Variants in PRKN observed in about 807,000 individuals in gnomAD.
PRKN encodes the protein parkin RBR E3 ubiquitin protein ligase.
In PRKN, 56 loss-of-function variants were observed where a neutral mutation model predicts 59.5. That is an observed-to-expected ratio of 0.94 (90% confidence interval 0.76 to 1.18). PRKN has a LOEUF of 1.18. Ranked by LOEUF, PRKN falls within the 50% of genes most tolerant of loss-of-function variation. The probability of loss-of-function intolerance (pLI) is 0.00; values close to 1 mark genes in which losing one functional copy is unlikely to be tolerated. For missense variants in PRKN, 657 were observed against 596.4 expected, an observed-to-expected ratio of 1.10 and a Z score of -1.06; for synonymous variants, 250 against 222.1, an observed-to-expected ratio of 1.13 and a Z score of -1.12.
intron 7 of PRKN, among the ~76,000 whole-genome samples, chr6:161,698,615 G>A (rs1786122337): frequency 6.6e-6 from 1 of 150,670 alleles, no homozygotes; most frequent in Admixed American, 6.6e-5. Flanking sequence ...GGTACAAACA[G>A]AATAGATCAA....
At chr6:161,761,792 C>A (rs1449008187) in intron 7 of PRKN, among the ~76,000 whole-genome samples, 1 of 152,164 alleles carries the variant, frequency 6.6e-6, no homozygotes, top group Non-Finnish European at 1.5e-5. Flanking sequence ...AGGAGGTTGG[C>A]ACTGGGAAAA....
chr6:161,878,572 G>T (rs1313623072), intron 6 of PRKN, among the ~76,000 whole-genome samples: 2 of 152,124 alleles, frequency 1.3e-5, no homozygotes, highest in African/African-American at 4.8e-5. Flanking sequence ...TAATTTGCAG[G>T]GGCCATTACG....
At chr6:162,165,429 T>G (rs1782933630) in intron 4 of PRKN, among the ~76,000 whole-genome samples, 1 of 149,456 alleles carries the variant, frequency 6.7e-6, no homozygotes, top group South Asian at 2.1e-4. Flanking sequence ...TACTGATATG[T>G]AATAAATAGA....
chr6:161,999,691 T>C (rs1781977601), intron 5 of PRKN, among the ~76,000 whole-genome samples: 1 of 152,148 alleles, frequency 6.6e-6, no homozygotes, highest in Middle Eastern at 3.4e-3. Flanking sequence ...AATGATGAAA[T>C]GGAACTACTT....
rs541431067 is a variant in PRKN, at chr6:162,660,375, C to G, written c.7+67287G>C. On this transcript the variant is annotated intron_variant, in intron 1 of 11. Coordinates refer to ENST00000366898, the MANE Select transcript of PRKN (RefSeq NM_004562.3). ...CTCACCTTTCCTTATGCAGTGTTCT[C>G]TAGTTCTGCCCACTAAATCTGTTTC... 5.9e-5 allele frequency among the ~76,000 whole-genome samples: 9 copies of G among 152,300 alleles called. No homozygotes were observed. The South Asian group carries it at 1.7e-3, about 28-fold the overall frequency.
chr6:161,711,348 T>C (rs1182920542), intron 7 of PRKN, among the ~76,000 whole-genome samples: 2 of 152,214 alleles, frequency 1.3e-5, no homozygotes, highest in Non-Finnish European at 2.9e-5. Context: ...GATGCATGTA[T>C]ACATTATACA....
intron 7 of PRKN, among the ~76,000 whole-genome samples, chr6:161,757,816 C>A: frequency 1.2e-5 from 1 of 85,162 alleles, no homozygotes; most frequent in Non-Finnish European, 2.5e-5. Flanking sequence ...CCAGCCTGGG[C>A]AATAGAGCAA....
intron 4 of PRKN, among the ~76,000 whole-genome samples, chr6:162,150,671 A>G (rs900200459): frequency 1.3e-4 from 20 of 152,204 alleles, no homozygotes; most frequent in African/African-American, 4.6e-4. Context: ...ATGTAAAGGA[A>G]GAGCAAAACG....
Position 161,385,704 on chromosome 6 carries a change from A to T in PRKN, c.1167+1090T>A, listed in dbSNP as rs1786210281. 6.6e-6 allele frequency among the ~76,000 whole-genome samples: 1 copy of T among 152,194 alleles called. No homozygotes were observed. The highest frequency in any genetic ancestry group is 1.5e-5 in the Non-Finnish European group (1 of 68,032). On this transcript the variant is annotated intron_variant, in intron 10 of 11. Coordinates refer to ENST00000366898, the MANE Select transcript of PRKN (RefSeq NM_004562.3). The surrounding 1 kb of genome is among the most constrained non-coding windows in gnomAD (Gnocchi z 4.9). ...AGCCTCAGGTATACCCGCCTCCATT[A>T]CAGCGGTCCTGAGGCAGGGGTCTCT...
intron 7 of PRKN, among the ~76,000 whole-genome samples, chr6:161,735,616 T>G (rs1233849050): frequency 6.6e-6 from 1 of 152,010 alleles, no homozygotes; most frequent in Non-Finnish European, 1.5e-5. Flanking sequence ...CAACTGTATT[T>G]TTAAAAGTGA....
chr6:162,483,334 G>A (rs1316893994), intron 1 of PRKN, among the ~76,000 whole-genome samples: 1 of 152,166 alleles, frequency 6.6e-6, no homozygotes, highest in African/African-American at 2.4e-5. Context: ...CTTATGTGTG[G>A]TGGAGGTAAA....
chr6:161,657,473 G>A (rs1432983003), intron 7 of PRKN, among the ~76,000 whole-genome samples: 14 of 152,116 alleles, frequency 9.2e-5, no homozygotes, highest in Non-Finnish European at 1.8e-4. Flanking sequence ...CTCTCCACCC[G>A]CACCCACAGG....
intron 2 of PRKN, among the ~76,000 whole-genome samples, chr6:162,326,348 A>C (rs558273317): frequency 1.3e-5 from 2 of 152,274 alleles, no homozygotes; most frequent in South Asian, 4.1e-4. Flanking sequence ...TGATACATTT[A>C]CCCACAGGCT....
intron 2 of PRKN, among the ~76,000 whole-genome samples, chr6:162,376,707 G>C (rs893083715): frequency 1.4e-5 from 2 of 146,434 alleles, no homozygotes; most frequent in Non-Finnish European, 3.0e-5. Flanking sequence ...CACGGAGAGA[G>C]AGGGGGAAAG....
intron 4 of PRKN, among the ~76,000 whole-genome samples, chr6:162,130,339 T>C (rs1412477674): frequency 6.6e-6 from 1 of 152,120 alleles, no homozygotes; most frequent in African/African-American, 2.4e-5. Context: ...AGGTCAAAAA[T>C]CTCAGTGATA....
intron 7 of PRKN, among the ~76,000 whole-genome samples, chr6:161,713,087 A>G (rs1223524442): frequency 7.2e-5 from 11 of 152,188 alleles, no homozygotes; most frequent in Admixed American, 7.2e-4. Flanking sequence ...CAATTTCCTC[A>G]ATGGGTAAGA....
intron 2 of PRKN, among the ~76,000 whole-genome samples, chr6:162,351,432 A>G (rs1390737246): frequency 2.0e-5 from 3 of 152,220 alleles, no homozygotes; most frequent in East Asian, 3.8e-4. Context: ...AAGGTAGACC[A>G]AACCAAGTGT....
intron 7 of PRKN, among the ~76,000 whole-genome samples, chr6:161,680,093 T>C (rs1038034930): frequency 2.6e-5 from 4 of 152,098 alleles, no homozygotes; most frequent in Non-Finnish European, 2.9e-5. Flanking sequence ...TCCAGTACAA[T>C]TGGCCTTGTT....
chr6:161,697,185 A>ATC (rs1554294385), intron 7 of PRKN, among the ~76,000 whole-genome samples: 5 of 152,180 alleles, frequency 3.3e-5, no homozygotes, highest in Non-Finnish European at 4.4e-5. Context: ...GAAATAAGGA[A>ATC]ACTATAAGTG....
Sources: allele counts gnomAD v4.1 joint callset (sites outside exome capture counted in the v4.1 genomes callset), GRCh38; gene constraint gnomAD v4.1.1; non-coding constraint Gnocchi (gnomAD v3.1); transcripts MANE v1.5; gene names NCBI Gene and HGNC (gene_info 2026-07-23, HGNC 2026-07-21).